The following PARP8 variants were observed in gnomAD, a reference collection of about 807,000 sequenced individuals.
The protein encoded by PARP8 is poly(ADP-ribose) polymerase family member 8, also known as protein mono-ADP-ribosyltransferase PARP8.
A neutral mutation model predicts 124.1 loss-of-function variants in PARP8; 51 were observed. The ratio of observed to expected loss-of-function variants is 0.41; its 90% CI spans 0.33 to 0.52. PARP8 has a LOEUF of 0.52. Ranked by LOEUF, PARP8 falls within the 20% of genes least tolerant of loss-of-function variation. PARP8 has a pLI of 0.21. For missense variants in PARP8, 860 were observed against 1,018.9 expected (o/e 0.84, Z 2.12); for synonymous variants, 391 against 361.5 (o/e 1.08, Z -0.93).
At chr5:50,826,530 A>G (rs931343665) in intron 18 of PARP8, among the ~76,000 whole-genome samples, 2 of 152,114 alleles carry the variant, frequency 1.3e-5, no homozygotes, top group African/African-American at 2.4e-5. Flanking sequence ...GTTTTAGGGA[A>G]CAACTTCCTA....
At chr5:50,702,581 T>G (rs1197932000) in intron 2 of PARP8, among the ~76,000 whole-genome samples, 1 of 152,230 alleles carries the variant, frequency 6.6e-6, no homozygotes, top group Non-Finnish European at 1.5e-5. Flanking sequence ...GGCTCTTGCT[T>G]TTGACATCTT....
At chr5:50,769,169 G>A (rs1392329218) in intron 7 of PARP8, among the ~76,000 whole-genome samples, 1 of 152,052 alleles carries the variant, frequency 6.6e-6, no homozygotes, top group Admixed American at 6.5e-5. Flanking sequence ...CATGTAAGAG[G>A]TTTTAAAAGC....
chr5:50,819,850 T>TA (rs1745564109), intron 15 of PARP8, among the ~76,000 whole-genome samples: 1 of 152,150 alleles, frequency 6.6e-6, no homozygotes, highest in Non-Finnish European at 1.5e-5. Context: ...TGTGCATCTC[T>TA]AGAGTAGAAG....
intron 2 of PARP8, among the ~76,000 whole-genome samples, chr5:50,702,329 T>C (rs1470222428): frequency 6.6e-6 from 1 of 152,192 alleles, no homozygotes; most frequent in Non-Finnish European, 1.5e-5. Context: ...TGATCCCTGA[T>C]AAAGCATAAC....
At chr5:50,750,213 G>A (rs1355355080) in intron 3 of PARP8, 25 bp downstream of exon 3, 17 of 1,546,804 alleles carry the variant, frequency 1.1e-5, no homozygotes, top group Non-Finnish European at 1.5e-5. Flanking sequence ...TTTTATTACA[G>A]ATATTCGTAT....
chr5:50,837,265 G>T (rs1411749237), intron 25 of PARP8, among the ~76,000 whole-genome samples: 1 of 152,032 alleles, frequency 6.6e-6, no homozygotes, highest in African/African-American at 2.4e-5. Context: ...GCACCCTCAG[G>T]AGAGAAGAGA....
At chr5:50,695,464 A>G (rs906615653) in intron 2 of PARP8, among the ~76,000 whole-genome samples, 1 of 152,196 alleles carries the variant, frequency 6.6e-6, no homozygotes, top group African/African-American at 2.4e-5. Flanking sequence ...TTGAGTATTT[A>G]TTAGACACAC....
rs576736291 is a variant in PARP8 at position 50,687,422 on chromosome 5, C to T, written c.146+19297C>T. On this transcript the variant is annotated intron_variant, in intron 2 of 25. Transcript: ENST00000281631. The stretch of plus-strand genomic sequence containing the variant: ...AAGTCTCTAGGAAGTTCCAAACTTT[C>T]CCACATTTTTCTGTCTTCTGAGCCC... Among the ~76,000 whole-genome samples the T allele has an allele frequency of 1.4e-4, 22 of 152,294 alleles. 1 individual carries two copies. In the South Asian group the frequency reaches 4.6e-3, roughly 32 times the overall value.
At position 50,668,143 on chromosome 5, in the gene PARP8, G is replaced by A; in HGVS notation, c.146+18G>A. On this transcript the variant is annotated intron_variant, in intron 2 of 25. Transcript: ENST00000281631. Reference sequence around the variant, plus strand: ...CCCAGAAGGTATTTATGTGTATAGAGTTGCTTCATTTCCTGTTCACACTCT... The same window carrying A: ...CCCAGAAGGTATTTATGTGTATAGAATTGCTTCATTTCCTGTTCACACTCT... 1.9e-6 allele frequency: 3 copies of A among 1,579,742 alleles called. No homozygotes were observed. The highest frequency in any genetic ancestry group is 1.7e-5 in the Admixed American group (1 of 59,990).
At chr5:50,791,212 G>A (rs1345692860) in intron 10 of PARP8, among the ~76,000 whole-genome samples, 2 of 152,064 alleles carry the variant, frequency 1.3e-5, no homozygotes, top group Non-Finnish European at 2.9e-5. Context: ...ATCAACAATA[G>A]CAACAGCAAA....
intron 14 of PARP8, among the ~76,000 whole-genome samples, chr5:50,811,084 T>A (rs2149681812): frequency 6.6e-6 from 1 of 152,200 alleles, no homozygotes; most frequent in South Asian, 2.1e-4. Context: ...AGTAGCAGAA[T>A]ATACCTAGAA....
chr5:50,733,964 C>CTAA (rs1757240980), intron 2 of PARP8, among the ~76,000 whole-genome samples: 1 of 152,098 alleles, frequency 6.6e-6, no homozygotes, highest in Non-Finnish European at 1.5e-5. Flanking sequence ...TATAGCATTT[C>CTAA]CTTATTTTCT....
rs1183660587 is a variant in PARP8 at position 50,666,985 on chromosome 5, G to T, written c.-111G>T. On this transcript the variant is annotated 5_prime_UTR_variant, in exon 1 of 26. Coordinates refer to ENST00000281631, the MANE Select transcript of PARP8 (RefSeq NM_024615.4). ...CGAAACCACTTCGCCTTCAGCCCCT[G>T]CCTCGGCCAGAGGTTTCATTTTTAA... The T allele has an allele frequency of 7.0e-7, 1 of 1,430,512 alleles. No homozygotes were observed. The highest frequency in any genetic ancestry group is 1.9e-5 in the Admixed American group (1 of 52,720). The allele number at this position is 1,430,512 out of a possible 1,614,324, so 88.6% of individuals were successfully genotyped here.
intron 7 of PARP8, among the ~76,000 whole-genome samples, chr5:50,771,136 C>G (rs985344980): frequency 6.7e-6 from 1 of 150,186 alleles, no homozygotes; most frequent in African/African-American, 2.4e-5. Flanking sequence ...CATATATATA[C>G]ACATATATAT....
At chr5:50,730,631 C>T (rs282544) in intron 2 of PARP8, among the ~76,000 whole-genome samples, 80,489 of 151,926 alleles carry the variant, frequency 0.53, 23,308 homozygotes, top group East Asian at 0.64. Context: ...CAAACCAATT[C>T]TTATTTCTTA....
intron 2 of PARP8, among the ~76,000 whole-genome samples, chr5:50,696,394 G>T (rs1459510074): frequency 6.6e-6 from 1 of 152,178 alleles, no homozygotes; most frequent in Non-Finnish European, 1.5e-5. Flanking sequence ...ATAGTTTATT[G>T]TGTGTGGAAG....
chr5:50,677,152 T>C (rs1372650919), intron 2 of PARP8, among the ~76,000 whole-genome samples: 1 of 152,148 alleles, frequency 6.6e-6, no homozygotes, highest in African/African-American at 2.4e-5. Flanking sequence ...ATTGTTGATA[T>C]CACATTTGTT....
At position 50,816,773 on chromosome 5, in the gene PARP8, A is replaced by G. The variant is rs145544464; in HGVS notation, c.1668+1249A>G. Among the ~76,000 whole-genome samples, 27 of 152,260 alleles carry G rather than the reference A, an allele frequency of 1.8e-4. 1 individual carries two copies. The East Asian group carries it at 5.0e-3, about 28-fold the overall frequency. On this transcript the variant is annotated intron_variant, in intron 15 of 25. Transcript: ENST00000281631. ...TGAGCATCCCTATAACTAAGAAAAT[A>G]GCTAGCCTATACTTAGAGGGTTACT...
At position 50,769,344 on chromosome 5, in the gene PARP8, GA is replaced by G. The variant is rs558491212; in HGVS notation, c.518+6112del. On this transcript the variant is annotated intron_variant, in intron 7 of 25. Transcript: ENST00000281631. ...TTTGCCAATGTAAATAAGTTCAAAA[GA>G]AAAAAAAAAGTTGTTTCCCTCCCAT... is the stretch of plus-strand genomic sequence containing the variant. 3.2e-3 allele frequency among the ~76,000 whole-genome samples: 451 copies of G among 140,162 alleles called. 2 individuals are homozygous for G. The highest frequency in any genetic ancestry group is 4.4e-3 in the Non-Finnish European group (280 of 64,068). The allele number at this position is 140,162 out of a possible 152,430, so 92.0% of individuals were successfully genotyped here. A position where few individuals can be genotyped will look rare whatever the true frequency, so the allele number is the denominator to read the frequency against.
Sources: gnomAD v4.1 joint callset for allele counts (sites outside exome capture counted in the v4.1 genomes callset) on GRCh38, gnomAD v4.1.1 for gene constraint, MANE v1.5 for transcripts, NCBI Gene and HGNC (gene_info 2026-07-23, HGNC 2026-07-21) for gene names.